SEZ6L: variants seen among roughly 807,000 people sequenced by gnomAD.
The protein encoded by SEZ6L is seizure 6-like protein.
SEZ6L carries 37 observed loss-of-function variants against 106.2 expected under a neutral mutation model. The ratio of observed to expected loss-of-function variants is 0.35; its 90% CI spans 0.27 to 0.46. The LOEUF is 0.46. Ranked by LOEUF, SEZ6L falls within the 20% of genes least tolerant of loss-of-function variation. SEZ6L has a pLI of 1.00. For synonymous variants in SEZ6L, 541 were observed against 570.4 expected, an observed-to-expected ratio of 0.95 and a Z score of 0.73; for missense variants, 1,172 against 1,332.8, an observed-to-expected ratio of 0.88 and a Z score of 1.88.
At chr22:26,379,009 C>G (rs1356933321) in intron 16 of SEZ6L, among the ~76,000 whole-genome samples, 1 of 152,214 alleles carries the variant, frequency 6.6e-6, no homozygotes, top group Non-Finnish European at 1.5e-5. Flanking sequence ...TGACCCCCTG[C>G]TTTATGGCTC....
intron 1 of SEZ6L, among the ~76,000 whole-genome samples, chr22:26,224,432 C>G (rs1460524775): frequency 6.6e-6 from 1 of 152,144 alleles, no homozygotes; most frequent in African/African-American, 2.4e-5. Context: ...GAGACAGACA[C>G]AGATCATCTA....
At chr22:26,315,072 C>G (rs628726) in intron 9 of SEZ6L, among the ~76,000 whole-genome samples, 69,198 of 152,066 alleles carry the variant, frequency 0.46, 16,880 homozygotes, top group African/African-American at 0.6. Context: ...AACCCAGCAG[C>G]CTGGGGAAGC....
intron 1 of SEZ6L, among the ~76,000 whole-genome samples, chr22:26,221,740 G>GCACACA (rs3222745): frequency 0.11 from 16,641 of 149,282 alleles, 976 homozygotes; most frequent in Middle Eastern, 0.15. Flanking sequence ...GCACACGCGT[G>GCACACA]CACACACACA....
chr22:26,237,547 T>A (rs1306866086), intron 1 of SEZ6L, among the ~76,000 whole-genome samples: 1 of 152,214 alleles, frequency 6.6e-6, no homozygotes, highest in Non-Finnish European at 1.5e-5. Context: ...TGAAGTGAGT[T>A]CATATATGCA....
chr22:26,371,669 G>GA (rs11367707), intron 13 of SEZ6L, among the ~76,000 whole-genome samples: 62,306 of 147,634 alleles, frequency 0.42, 14,472 homozygotes, highest in East Asian at 0.92. Flanking sequence ...ACAAAAAAAG[G>GA]AAAAAAAAAA....
intron 1 of SEZ6L, among the ~76,000 whole-genome samples, chr22:26,175,002 A>G (rs1444446292): frequency 6.6e-6 from 1 of 152,232 alleles, no homozygotes; most frequent in Admixed American, 6.5e-5. Flanking sequence ...AATGCCTAAC[A>G]TCACAAAGGG....
intron 5 of SEZ6L, among the ~76,000 whole-genome samples, chr22:26,303,857 A>G (rs2081527810): frequency 6.6e-6 from 1 of 152,210 alleles, no homozygotes; most frequent in African/African-American, 2.4e-5. Flanking sequence ...GGGGGAACCA[A>G]GCGTCCTGTG....
intron 1 of SEZ6L, among the ~76,000 whole-genome samples, chr22:26,203,803 A>G (rs1484489791): frequency 2.0e-5 from 3 of 152,206 alleles, no homozygotes; most frequent in Non-Finnish European, 4.4e-5. Flanking sequence ...CTGAACCATC[A>G]TATGGACCTC....
intron 1 of SEZ6L, among the ~76,000 whole-genome samples, chr22:26,289,706 G>A (rs1450360914): frequency 6.6e-6 from 1 of 152,190 alleles, no homozygotes; most frequent in Admixed American, 6.5e-5. Context: ...GCAAACTGTT[G>A]CAGTCTATAT....
chr22:26,304,385 A>AAAGAAAG (rs961937460), intron 5 of SEZ6L, among the ~76,000 whole-genome samples: 3 of 112,282 alleles, frequency 2.7e-5, no homozygotes, highest in Non-Finnish European at 3.9e-5. Flanking sequence ...AGAAAGAAAG[A>AAAGAAAG]AAGAAAGAAA....
intron 10 of SEZ6L, among the ~76,000 whole-genome samples, chr22:26,345,422 C>A (rs2082975093): frequency 6.6e-6 from 1 of 152,108 alleles, no homozygotes; most frequent in Non-Finnish European, 1.5e-5. Context: ...GTCAGACAAG[C>A]AAACCTTTCT....
chr22:26,256,014 T>C (rs930361277), intron 1 of SEZ6L, among the ~76,000 whole-genome samples: 1 of 152,030 alleles, frequency 6.6e-6, no homozygotes, highest in African/African-American at 2.4e-5. Flanking sequence ...CAAAGGAAGA[T>C]TAGGAAGGAA....
chr22:26,247,750 C>T (rs531439055), intron 1 of SEZ6L, among the ~76,000 whole-genome samples: 111 of 152,228 alleles, frequency 7.3e-4, no homozygotes, highest in African/African-American at 2.4e-3. Flanking sequence ...TGGCAGCTCT[C>T]GGAAACTAAT....
At chr22:26,349,034 G>T (rs74358098) in intron 11 of SEZ6L, among the ~76,000 whole-genome samples, 1,669 of 152,254 alleles carry the variant, frequency 0.011, 31 homozygotes, top group African/African-American at 0.038. Flanking sequence ...GAATGAACAT[G>T]AACTAGTTCC....
intron 1 of SEZ6L, among the ~76,000 whole-genome samples, chr22:26,215,584 C>A (rs1439523106): frequency 6.6e-6 from 1 of 152,180 alleles, no homozygotes; most frequent in Admixed American, 6.5e-5. Flanking sequence ...CAATCCATAT[C>A]AATCCCTAAG....
chr22:26,292,556 A>C lies in SEZ6L; in HGVS notation c.245A>C (p.Glu82Ala), dbSNP rs764181991. The C allele has an allele frequency of 2.2e-5, 35 of 1,613,828 alleles. No homozygotes were observed. The Middle Eastern group carries it at 5.0e-4, about 23-fold the overall frequency. ...SSSQSAEVLGELVLDGTAPSA... is the reference protein window; with the variant it reads ...SSSQSAEVLGALVLDGTAPSA... ...TCACAGTCGGCGGAAGTGCTGGGCG[A>C]GCTGGTGCTGGATGGGACCGCACCC... Residue 82 changes from glutamate (E) to alanine (A), a missense_variant, in exon 2 of 17, where the codon GAG becomes GCG. This residue lies in a region of SEZ6L where 494 missense variants were observed against 445.8 expected (regional missense o/e 1.11). Coordinates refer to ENST00000248933, the MANE Select transcript of SEZ6L (RefSeq NM_021115.5).
At chr22:26,312,588 T>C (rs1569458320) in intron 8 of SEZ6L, among the ~76,000 whole-genome samples, 1 of 151,978 alleles carries the variant, frequency 6.6e-6, no homozygotes, top group Non-Finnish European at 1.5e-5. Context: ...TGCAGTGGAC[T>C]GTCCTGCCAG....
At chr22:26,256,663 A>G (rs953049374) in intron 1 of SEZ6L, among the ~76,000 whole-genome samples, 1 of 152,206 alleles carries the variant, frequency 6.6e-6, no homozygotes, top group Non-Finnish European at 1.5e-5. Context: ...GCCATAAGGC[A>G]CTGGTTTCAT....
At chr22:26,316,052 C>CAAAA (rs557963856) in intron 9 of SEZ6L, among the ~76,000 whole-genome samples, 1 of 150,746 alleles carries the variant, frequency 6.6e-6, no homozygotes, top group Admixed American at 6.6e-5. Context: ...GACTCTGTCT[C>CAAAA]AAAAAAAAAT....
Sources: gnomAD v4.1 joint callset for allele counts (sites outside exome capture counted in the v4.1 genomes callset) on GRCh38, gnomAD v4.1.1 for gene constraint, gnomAD v4.1.1 regional missense constraint, MANE v1.5 for transcripts, NCBI Gene and HGNC (gene_info 2026-07-23, HGNC 2026-07-21) for gene names.